Variants in CTR9 observed in about 807,000 individuals in gnomAD.
CTR9 encodes RNA polymerase-associated protein CTR9 homolog.
In CTR9, 41 loss-of-function variants were observed where a neutral mutation model predicts 152.1. The ratio of observed to expected loss-of-function variants is 0.27; its 90% confidence interval spans 0.21 to 0.35. The LOEUF (loss-of-function observed/expected upper bound fraction) is 0.35. Ranked by LOEUF, CTR9 falls within the 10% of genes least tolerant of loss-of-function variation. The pLI is 1.00. For missense variants in CTR9, 917 were observed against 1,424.4 expected (o/e 0.64, Z 5.73); for synonymous variants, 476 against 496.2 (o/e 0.96, Z 0.54).
At chr11:10,756,719 C>T (rs374722075) in intron 4 of CTR9, 30 bp from the exon 5 acceptor site, 21 of 1,480,802 alleles carry the variant, frequency 1.4e-5, no homozygotes, top group Non-Finnish European at 6.6e-6. Flanking sequence ...TTTAATCAGA[C>T]ACTGTGTTTA....
At chr11:10,760,386 A>T in intron 6 of CTR9, 65 bp downstream of exon 6, 1 of 1,465,210 alleles carries the variant, frequency 6.8e-7, no homozygotes, top group Non-Finnish European at 9.4e-7. Flanking sequence ...TCTTATCTAA[A>T]ACTCTTGGAG....
At position 10,751,364 on chromosome 11, in the gene CTR9, C is replaced by T. The variant is rs749282493; in HGVS notation, c.-49C>T. On this transcript the variant is annotated 5_prime_UTR_variant, in exon 1 of 25. Coordinates refer to ENST00000361367, the MANE Select transcript of CTR9 (RefSeq NM_014633.5). ...TGGATTAGCCTGAAGCGGAGACTACCGGCTGCGGAGCGGCGGGGCGAGACA... is the reference window on the plus strand; with the variant it reads ...TGGATTAGCCTGAAGCGGAGACTACTGGCTGCGGAGCGGCGGGGCGAGACA... The T allele has an allele frequency of 2.5e-6, 4 of 1,602,840 alleles. No individual in the cohort carries two copies. The highest frequency in any genetic ancestry group is 3.4e-6 in the Non-Finnish European group (4 of 1,171,196).
rs377431412 is a variant in CTR9, at chr11:10,756,953, CA to C, written c.592+116del. Reference sequence around the variant, plus strand: ...AGATATTGTTGGATTATAGAAATGTCAGAATCAAGTTTTTTTTTTGATGCTA... The same window carrying C: ...AGATATTGTTGGATTATAGAAATGTCGAATCAAGTTTTTTTTTTGATGCTA... On this transcript the variant is annotated intron_variant, in intron 5 of 24. Transcript: ENST00000361367. 2,641 of 805,360 alleles carry C rather than the reference CA, an allele frequency of 3.3e-3. 84 individuals are homozygous for C. In the South Asian group the frequency reaches 0.039, roughly 12 times the overall value. The allele number at this position is 805,360 out of a possible 1,614,324, so 49.9% of individuals were successfully genotyped here. A position where few individuals can be genotyped will look rare whatever the true frequency, so the allele number is the denominator to read the frequency against.
At chr11:10,771,763 A>G in intron 19 of CTR9, 147 bp downstream of exon 19, 2 of 580,428 alleles carry the variant, frequency 3.4e-6, no homozygotes, top group Non-Finnish European at 6.2e-6. Flanking sequence ...AATCTTTGCC[A>G]GGACTTTTTC....
chr11:10,774,891 A>G lies in CTR9; in HGVS notation c.2886-316A>G, dbSNP rs186179834. Among the ~76,000 whole-genome samples, 1,209 of 151,940 alleles carry G rather than the reference A, an allele frequency of 8.0e-3. 13 individuals are homozygous for G. Among genetic ancestry groups the G allele is most frequent in the African/African-American group, 0.028 (1,148 of 41,176 alleles). ...TTGGGAAAGAAGGAAGAGGAAGGGA[A>G]AGACGTTGAAGTCTGGAGCCTGGGT... is the stretch of plus-strand genomic sequence containing the variant. On this transcript the variant is annotated intron_variant, in intron 22 of 24. Coordinates refer to ENST00000361367, the MANE Select transcript of CTR9 (RefSeq NM_014633.5).
intron 14 of CTR9, 30 bp from the exon 15 acceptor site, chr11:10,768,044 A>G: frequency 6.2e-7 from 1 of 1,613,760 alleles, no homozygotes; most frequent in Non-Finnish European, 8.5e-7. Flanking sequence ...TTCTCGTTTG[A>G]ATCTTTTTTA....
Position 10,779,425 on chromosome 11 carries a change from TTA to T in CTR9, c.*324_*325del, listed in dbSNP as rs1361673682. ...AACTGTGGCAGATGTCTCATCTTCTTTATATGTTAAGCAGCATACTCTTCTGA... is the reference window on the plus strand; with the variant it reads ...AACTGTGGCAGATGTCTCATCTTCTTTATGTTAAGCAGCATACTCTTCTGA... On this transcript the variant is annotated 3_prime_UTR_variant, in exon 25 of 25. Transcript: ENST00000361367. 3 of 255,530 alleles carry T rather than the reference TTA, an allele frequency of 1.2e-5. No individual in the cohort carries two copies. The highest frequency in any genetic ancestry group is 2.3e-5 in the African/African-American group (1 of 44,016). The allele number at this position is 255,530 out of a possible 1,614,324, so 15.8% of individuals were successfully genotyped here.
intron 16 of CTR9, 79 bp downstream of exon 16, chr11:10,768,570 C>A (rs1051127661): frequency 1.7e-5 from 23 of 1,338,910 alleles, no homozygotes; most frequent in Non-Finnish European, 2.3e-5. Flanking sequence ...CTGGCCCTGT[C>A]ATGGAGCTGC....
chr11:10,776,569 C>A (rs932843462), intron 24 of CTR9, among the ~76,000 whole-genome samples: 9 of 152,142 alleles, frequency 5.9e-5, no homozygotes, highest in Non-Finnish European at 1.0e-4. Flanking sequence ...ATTTGAACAT[C>A]GAGTGTGTGA....
intron 22 of CTR9, among the ~76,000 whole-genome samples, 173 bp from the exon 23 acceptor site, chr11:10,775,034 C>G (rs151323601): frequency 0.012 from 1,769 of 152,246 alleles, 33 homozygotes; most frequent in African/African-American, 0.038. Context: ...CATTTCTGAG[C>G]CACGTGCAGC....
At chr11:10,762,155 A>G in intron 7 of CTR9, 101 bp downstream of exon 7, 1 of 740,162 alleles carries the variant, frequency 1.4e-6, no homozygotes, top group Admixed American at 3.1e-5. Flanking sequence ...AAAATGTCAG[A>G]TTTTTTCCCC....
intron 6 of CTR9, among the ~76,000 whole-genome samples, chr11:10,760,782 T>C (rs1301546441): frequency 6.6e-6 from 1 of 152,108 alleles, no homozygotes; most frequent in African/African-American, 2.4e-5. Context: ...GGTCTCAAAT[T>C]TGATAGGTCC....
rs1863222555 is a variant in CTR9 at position 10,775,733 on chromosome 11, CTTTT to C, written c.3095+102_3095+105del. The stretch of plus-strand genomic sequence containing the variant: ...TACTAAGAAAAATATACTTTTCTTT[CTTTT>C]TCTTTATAAATAATAAGAGGGGTGG... On this transcript the variant is annotated intron_variant, in intron 24 of 24. Coordinates refer to ENST00000361367, the MANE Select transcript of CTR9 (RefSeq NM_014633.5). 3.7e-5 allele frequency: 4 copies of C among 107,430 alleles called. No homozygotes were observed. In the South Asian group the frequency reaches 1.5e-3, roughly 42 times the overall value. 6.7% of individuals were successfully genotyped at this position (107,430 alleles called of 1,614,324 possible). A position where few individuals can be genotyped will look rare whatever the true frequency, so the allele number is the denominator to read the frequency against.
chr11:10,756,197 A>G (rs1225581891), intron 4 of CTR9, among the ~76,000 whole-genome samples: 1 of 152,224 alleles, frequency 6.6e-6, no homozygotes, highest in Non-Finnish European at 1.5e-5. Context: ...CTGAAGAGCC[A>G]ATAAACAATC....
intron 1 of CTR9, among the ~76,000 whole-genome samples, chr11:10,751,742 A>G (rs1014659223): frequency 6.6e-5 from 10 of 151,962 alleles, no homozygotes; most frequent in African/African-American, 2.4e-4. Flanking sequence ...TAACCAACCC[A>G]CGGGAGCAGA....
At position 10,761,975 on chromosome 11, in the gene CTR9, T is replaced by A; in HGVS notation, c.770T>A (p.Leu257His). ...EADSIKNGVQLLSRAYTIDPS... is the reference protein window; with the variant it reads ...EADSIKNGVQHLSRAYTIDPS... ...GATTCCATTAAAAATGGTGTCCAGC[T>A]TCTTTCCAGAGCCTATACTATTGAT... Residue 257 changes from leucine (L) to histidine (H), a missense_variant, in exon 7 of 25, where the codon CTT (leucine) becomes CAT (histidine). Physicochemically the swap from Leu to His is moderately conservative, Grantham distance 99. This residue lies in a region of CTR9 where 110 missense variants were observed against 149.5 expected (regional missense o/e 0.74). Transcript: ENST00000361367. The A allele has an allele frequency of 6.2e-7, 1 of 1,609,388 alleles. No homozygotes were observed. The highest frequency in any genetic ancestry group is 8.5e-7 in the Non-Finnish European group (1 of 1,178,254).
chr11:10,765,554 C>T (rs1334736606), intron 12 of CTR9, among the ~76,000 whole-genome samples: 2 of 152,080 alleles, frequency 1.3e-5, no homozygotes, highest in African/African-American at 2.4e-5. Flanking sequence ...CTCTGCCTCC[C>T]GGGTTGGAGT....
intron 16 of CTR9, among the ~76,000 whole-genome samples, chr11:10,769,423 G>T (rs1479725821): frequency 1.3e-5 from 2 of 152,124 alleles, no homozygotes; most frequent in Non-Finnish European, 2.9e-5. Context: ...TAGACAAAAA[G>T]AGCAGTCCAG....
intron 2 of CTR9, among the ~76,000 whole-genome samples, chr11:10,753,114 A>G (rs1348118831): frequency 6.6e-6 from 1 of 152,212 alleles, no homozygotes; most frequent in Non-Finnish European, 1.5e-5. Flanking sequence ...GCTGCTTAAC[A>G]TTGTTTCCTA....
Sources: allele counts gnomAD v4.1 joint callset (sites outside exome capture counted in the v4.1 genomes callset), GRCh38; gene constraint gnomAD v4.1.1; regional missense constraint gnomAD v4.1.1; transcripts MANE v1.5; gene names NCBI Gene and HGNC (gene_info 2026-07-23, HGNC 2026-07-21).